The following ZHX2 variants were observed in gnomAD, a reference collection of about 807,000 sequenced individuals.
ZHX2 encodes the protein zinc fingers and homeoboxes protein 2.
A neutral mutation model predicts 21.9 loss-of-function variants in ZHX2; 6 were observed. The ratio of observed to expected loss-of-function variants is 0.27; its 90% CI spans 0.15 to 0.54. The LOEUF (loss-of-function observed/expected upper bound fraction) is 0.54. Among genes scored for constraint, ZHX2 ranks in the 20% least tolerant of loss-of-function variants. The pLI, the probability that ZHX2 is intolerant of heterozygous loss-of-function variation, is 0.95. For synonymous variants in ZHX2, 434 were observed against 437.1 expected (o/e 0.99, Z 0.09); for missense variants, 908 against 1,090.7 (o/e 0.83, Z 2.36).
At chr8:122,954,696 G>A (rs778887679) in intron 3 of ZHX2, among the ~76,000 whole-genome samples, 1 of 152,282 alleles carries the variant, frequency 6.6e-6, no homozygotes, top group South Asian at 2.1e-4. Flanking sequence ...CTGTGCCCAG[G>A]GGGCAGCACC....
At chr8:122,937,468 A>G (rs1394994583) in intron 2 of ZHX2, among the ~76,000 whole-genome samples, 1 of 152,206 alleles carries the variant, frequency 6.6e-6, no homozygotes, top group African/African-American at 2.4e-5. Context: ...ATAGATGCAC[A>G]CGGCATGCAC....
At chr8:122,849,539 G>T (rs565033452) in intron 1 of ZHX2, among the ~76,000 whole-genome samples, 4 of 151,892 alleles carry the variant, frequency 2.6e-5, no homozygotes, top group Non-Finnish European at 5.9e-5. Flanking sequence ...TTCTGGCTTC[G>T]GGTGCTGCTG....
intron 2 of ZHX2, among the ~76,000 whole-genome samples, chr8:122,911,983 CT>C (rs1421825746): frequency 6.6e-6 from 1 of 152,166 alleles, no homozygotes; most frequent in Non-Finnish European, 1.5e-5. Context: ...CAGCTGCCCC[CT>C]GGAATCCCTG....
intron 1 of ZHX2, among the ~76,000 whole-genome samples, chr8:122,808,500 A>T (rs1817864958): frequency 6.6e-6 from 1 of 152,216 alleles, no homozygotes; most frequent in African/African-American, 2.4e-5. Flanking sequence ...TCACTAGAAT[A>T]GCAGCATGGG....
chr8:122,843,054 C>T (rs1392091366), intron 1 of ZHX2, among the ~76,000 whole-genome samples: 1 of 152,230 alleles, frequency 6.6e-6, no homozygotes, highest in Non-Finnish European at 1.5e-5. Flanking sequence ...ACTAGCAAAC[C>T]ATCAAAGGAA....
rs142125129 is a variant in ZHX2, at chr8:122,799,606, A to C, written c.-283+17660A>C. Among the ~76,000 whole-genome samples the C allele has an allele frequency of 2.6e-5, 4 of 152,208 alleles. No individual in the cohort carries two copies. In the East Asian group the frequency reaches 7.7e-4, roughly 29 times the overall value. On this transcript the variant is annotated intron_variant, in intron 1 of 3. Coordinates refer to ENST00000314393, the MANE Select transcript of ZHX2 (RefSeq NM_014943.5). Reference sequence around the variant, plus strand: ...TCCCAGAAAATAATACTGTGACTTGATTATCTCCATGGCATAGAGGACTTG... The same window carrying C: ...TCCCAGAAAATAATACTGTGACTTGCTTATCTCCATGGCATAGAGGACTTG...
chr8:122,935,015 C>A (rs115338949), intron 2 of ZHX2, among the ~76,000 whole-genome samples: 1 of 152,168 alleles, frequency 6.6e-6, no homozygotes, highest in Non-Finnish European at 1.5e-5. Context: ...GCTGTCAAGA[C>A]AGTGCATCAT....
At chr8:122,859,450 C>T (rs1819110176) in intron 1 of ZHX2, among the ~76,000 whole-genome samples, 1 of 152,198 alleles carries the variant, frequency 6.6e-6, no homozygotes, top group Non-Finnish European at 1.5e-5. Flanking sequence ...CTCCCTCAAT[C>T]CTGGAGGGGA....
At chr8:122,878,711 A>T (rs1174064163) in intron 2 of ZHX2, among the ~76,000 whole-genome samples, 2 of 152,214 alleles carry the variant, frequency 1.3e-5, no homozygotes, top group African/African-American at 4.8e-5. Context: ...ACATGTCAAA[A>T]GGCAGGAATA....
At chr8:122,877,371 G>A (rs895316585) in intron 2 of ZHX2, among the ~76,000 whole-genome samples, 3 of 152,146 alleles carry the variant, frequency 2.0e-5, no homozygotes, top group Non-Finnish European at 4.4e-5. Flanking sequence ...TATAATAATG[G>A]CTAACATGTA....
At chr8:122,844,852 G>A (rs1818719554) in intron 1 of ZHX2, among the ~76,000 whole-genome samples, 1 of 152,146 alleles carries the variant, frequency 6.6e-6, no homozygotes, top group Admixed American at 6.5e-5. Flanking sequence ...GAAACCTACT[G>A]GGCATCATTC....
intron 1 of ZHX2, among the ~76,000 whole-genome samples, chr8:122,811,736 C>T (rs1256034603): frequency 6.6e-6 from 1 of 152,176 alleles, no homozygotes; most frequent in Non-Finnish European, 1.5e-5. Context: ...GGTAATAGGT[C>T]CAGAGCGTTT....
At chr8:122,964,865 T>C (rs951962260) in intron 3 of ZHX2, among the ~76,000 whole-genome samples, 13 of 152,080 alleles carry the variant, frequency 8.5e-5, no homozygotes, top group African/African-American at 3.1e-4. Context: ...CTGGGTTTAA[T>C]CTAGGAAGGT....
chr8:122,937,829 G>A (rs1007067226), intron 2 of ZHX2, among the ~76,000 whole-genome samples: 5 of 151,190 alleles, frequency 3.3e-5, no homozygotes, highest in African/African-American at 9.7e-5. Context: ...CAATCCACCC[G>A]CCTCAGCCTC....
At chr8:122,968,551 G>A (rs1813641342) in intron 3 of ZHX2, among the ~76,000 whole-genome samples, 1 of 152,072 alleles carries the variant, frequency 6.6e-6, no homozygotes. Context: ...CAAATATTAT[G>A]AGGCAGGCCA....
intron 2 of ZHX2, among the ~76,000 whole-genome samples, chr8:122,900,457 G>A (rs1187388209): frequency 6.6e-6 from 1 of 152,126 alleles, no homozygotes; most frequent in East Asian, 1.9e-4. Context: ...CTGACCCCAT[G>A]ACCCAAACAC....
intron 2 of ZHX2, among the ~76,000 whole-genome samples, chr8:122,908,097 T>G (rs1820388522): frequency 1.3e-5 from 2 of 152,196 alleles, no homozygotes; most frequent in African/African-American, 4.8e-5. Flanking sequence ...GAAATTGGAA[T>G]GACAATCCTC....
chr8:122,803,621 G>A (rs1019262647), intron 1 of ZHX2, among the ~76,000 whole-genome samples: 7 of 152,220 alleles, frequency 4.6e-5, no homozygotes, highest in Non-Finnish European at 7.3e-5. Context: ...GTGCCCTCGG[G>A]GACGAAACGG....
intron 1 of ZHX2, among the ~76,000 whole-genome samples, chr8:122,825,209 T>C (rs572314833): frequency 1.1e-4 from 17 of 152,346 alleles, no homozygotes; most frequent in African/African-American, 4.1e-4. Flanking sequence ...AGTCACACCA[T>C]CTGCCTGTTG....
Sources: allele counts gnomAD v4.1 joint callset (sites outside exome capture counted in the v4.1 genomes callset), GRCh38; gene constraint gnomAD v4.1.1; transcripts MANE v1.5; gene names NCBI Gene and HGNC (gene_info 2026-07-23, HGNC 2026-07-21).